Variants in TOP2A observed in about 807,000 individuals in gnomAD.
The protein encoded by TOP2A is DNA topoisomerase 2-alpha.
Under a neutral mutation model 187.2 loss-of-function variants are expected in TOP2A, and 68 were observed. The observed-to-expected ratio is 0.36, with a 90% CI of 0.30 to 0.44. The LOEUF (loss-of-function observed/expected upper bound fraction) is 0.44. TOP2A is among the 20% of genes least tolerant of loss of function. The probability of loss-of-function intolerance (pLI) is 1.00; values close to 1 mark genes in which losing one functional copy is unlikely to be tolerated. For missense variants in TOP2A, 1,196 were observed against 1,808.7 expected (o/e 0.66, Z 6.14); for synonymous variants, 542 against 593.2 (o/e 0.91, Z 1.25).
At position 40,411,910 on chromosome 17, in the gene TOP2A, G is replaced by T; in HGVS notation, c.790-92C>A. The T allele has an allele frequency of 2.0e-6, 2 of 1,008,184 alleles. No homozygotes were observed. The highest frequency in any genetic ancestry group is 2.6e-5 in the East Asian group (1 of 38,226). The allele number at this position is 1,008,184 out of a possible 1,614,324, so 62.5% of individuals were successfully genotyped here. Reference sequence around the variant, plus strand: ...GAGGACTTTCCAAAACCAATGCAATGATGTTCACTGATAGGCATAAGGGAA... The same window carrying T: ...GAGGACTTTCCAAAACCAATGCAATTATGTTCACTGATAGGCATAAGGGAA... On this transcript the variant is annotated intron_variant, in intron 7 of 34. Transcript: ENST00000423485. This position sits in a 1 kb window ranked among gnomAD's most constrained non-coding sequence, Gnocchi z 4.4.
chr17:40,405,261 T>G (rs183831939), intron 16 of TOP2A, among the ~76,000 whole-genome samples: 163 of 152,202 alleles, frequency 1.1e-3, no homozygotes, highest in African/African-American at 3.7e-3. Flanking sequence ...GTGATTCTCC[T>G]GCCTCAGCCT....
chr17:40,404,075 C>G (rs2035211708), intron 19 of TOP2A, 77 bp downstream of exon 19: 1 of 1,553,374 alleles, frequency 6.4e-7, no homozygotes, highest in African/African-American at 1.4e-5. Context: ...CTTATACTTT[C>G]ACCAAATCTG....
intron 33 of TOP2A, 36 bp downstream of exon 33, chr17:40,391,470 T>A (rs377453565): frequency 1.0e-5 from 16 of 1,581,914 alleles, no homozygotes; most frequent in African/African-American, 1.4e-5. Context: ...AGTTAGGTAA[T>A]TGCAACATTA....
chr17:40,402,763 C>G lies in TOP2A; in HGVS notation c.2432+143G>C. 3.9e-6 allele frequency: 3 copies of G among 759,636 alleles called. No individual in the cohort carries two copies. In the South Asian group the frequency reaches 6.4e-5, roughly 16 times the overall value. 47.1% of individuals were successfully genotyped at this position (759,636 alleles called of 1,614,324 possible). On this transcript the variant is annotated intron_variant, in intron 20 of 34. Transcript: ENST00000423485. ...TGGATAATTGTTATGGGGGGGCTTTCCTGTATAAGCCTCACCCCTGGCCTC... is the reference window on the plus strand; with the variant it reads ...TGGATAATTGTTATGGGGGGGCTTTGCTGTATAAGCCTCACCCCTGGCCTC...
Position 40,400,614 on chromosome 17 carries a change from T to C in TOP2A, c.2714A>G (p.Asn905Ser). 6.2e-7 allele frequency: 1 copy of C among 1,609,658 alleles called. No individual in the cohort carries two copies. The highest frequency in any genetic ancestry group is 1.1e-5 in the South Asian group (1 of 89,564). ...TACTTCACCACTAATCACATATTGA[T>C]TTGGAGCCAGTTCTTCAATAGTACC... ...FKGTIEELAPNQYVISGEVAI... is the reference protein window; with the variant it reads ...FKGTIEELAPSQYVISGEVAI... The change falls in exon 22 of 35, where the codon AAT becomes AGT. Residue 905 changes from asparagine to serine, a missense_variant. Asn to Ser is a conservative substitution (Grantham distance 46). Coordinates refer to ENST00000423485, the MANE Select transcript of TOP2A (RefSeq NM_001067.4).
chr17:40,401,402 T>C (rs2035178833), intron 20 of TOP2A, among the ~76,000 whole-genome samples: 1 of 151,984 alleles, frequency 6.6e-6, no homozygotes, highest in African/African-American at 2.4e-5. Context: ...TAGGAAAACA[T>C]TTGAGCAGAG....
At position 40,401,016 on chromosome 17, in the gene TOP2A, T is replaced by C; in HGVS notation, c.2498A>G (p.Asn833Ser). ...DHTLKFLYDD[N>S]QRVEPEWYIP... ...GTACCATTCAGGCTCAACACGCTGG[T>C]TGTCATCATATAAAAACTTCAACGT... The change falls in exon 21 of 35, where the codon AAC becomes AGC. Residue 833 changes from asparagine (N) to serine (S), a missense_variant. Physicochemically the swap from Asn to Ser is conservative, Grantham distance 46. This residue lies in a region of TOP2A where 209 missense variants were observed against 376.9 expected (regional missense o/e 0.55). Coordinates refer to ENST00000423485, the MANE Select transcript of TOP2A (RefSeq NM_001067.4). 2 of 1,614,024 alleles carry C rather than the reference T, an allele frequency of 1.2e-6. No individual in the cohort carries two copies. Among genetic ancestry groups the C allele is most frequent in the Non-Finnish European group, 1.7e-6 (2 of 1,179,896 alleles).
Position 40,416,044 on chromosome 17 carries a change from C to A in TOP2A, c.293G>T (p.Arg98Met). 1 of 1,589,158 alleles carries A rather than the reference C, an allele frequency of 6.3e-7. No homozygotes were observed. Among genetic ancestry groups the A allele is most frequent in the Non-Finnish European group, 8.6e-7 (1 of 1,165,650 alleles). ...ILVNAADNKQ[R>M]DPKMSCIRVT... ...TCTAATACAAGACATTTTTGGGTCC[C>A]TTTGTTTGTTGTCCGCAGCATTAAC... Residue 98 changes from arginine to methionine, a missense_variant, in exon 4 of 35, where the codon AGG (arginine) becomes ATG (methionine). Physicochemically the swap from Arg to Met is moderately conservative, Grantham distance 91 (BLOSUM62 -1). This residue lies in a region of TOP2A where 97 missense variants were observed against 171.0 expected (regional missense o/e 0.57). Coordinates refer to ENST00000423485, the MANE Select transcript of TOP2A (RefSeq NM_001067.4).
intron 13 of TOP2A, 131 bp from the exon 14 acceptor site, chr17:40,407,073 G>A (rs572597966): frequency 9.8e-6 from 6 of 612,226 alleles, no homozygotes; most frequent in Admixed American, 8.7e-5. Flanking sequence ...AGACCAGCCT[G>A]GCCAACATGG....
At chr17:40,391,311 A>C in intron 33 of TOP2A, 195 bp downstream of exon 33, 3 of 547,822 alleles carry the variant, frequency 5.5e-6, no homozygotes, top group Non-Finnish European at 9.4e-6. Context: ...AACAATCAAT[A>C]GAGATAACTT....
Position 40,391,884 on chromosome 17 carries a change from T to C in TOP2A, c.4132+184A>G, listed in dbSNP as rs1598607262. ...GCAAGCACTATGATTACTTTTAGTA[T>C]ACTGAATGCAGTACCTATTTACATG... is the stretch of plus-strand genomic sequence containing the variant. On this transcript the variant is annotated intron_variant, in intron 32 of 34. Coordinates refer to ENST00000423485, the MANE Select transcript of TOP2A (RefSeq NM_001067.4). The C allele has an allele frequency of 1.7e-5, 13 of 761,648 alleles. No homozygotes were observed. The East Asian group carries it at 3.5e-4, about 21-fold the overall frequency. The allele number at this position is 761,648 out of a possible 1,614,324, so 47.2% of individuals were successfully genotyped here.
At chr17:40,404,297 C>G in intron 18 of TOP2A, 24 bp from the exon 19 acceptor site, 4 of 1,610,372 alleles carry the variant, frequency 2.5e-6, no homozygotes, top group Non-Finnish European at 2.5e-6. Context: ...TAAGAGCAAA[C>G]GTAAGTATCC....
At chr17:40,397,829 A>G (rs1417577621) in intron 27 of TOP2A, among the ~76,000 whole-genome samples, 18 of 141,760 alleles carry the variant, frequency 1.3e-4, no homozygotes, top group African/African-American at 4.6e-4. Context: ...CCCAGGCTGG[A>G]GTGCAATGGT....
chr17:40,399,624 A>G (rs1195504657), intron 24 of TOP2A, among the ~76,000 whole-genome samples: 1 of 151,818 alleles, frequency 6.6e-6, no homozygotes, highest in Non-Finnish European at 1.5e-5. Context: ...AAGGTCTTCT[A>G]GCTCTCTATT....
rs1403066741 is a variant in TOP2A at position 40,400,588 on chromosome 17, C to T, written c.2740G>A (p.Ala914Thr). 12 of 1,611,644 alleles carry T rather than the reference C, an allele frequency of 7.4e-6. No individual in the cohort carries two copies. The highest frequency in any genetic ancestry group is 2.2e-5 in the East Asian group (1 of 44,858). ...TCAATGGTTGTAGAATTAAGAATAG[C>T]TACTTCACCACTAATCACATATTGA... ...PNQYVISGEVAILNSTTIEIS... is the reference protein window; with the variant it reads ...PNQYVISGEVTILNSTTIEIS... The change falls in exon 22 of 35, where the codon GCT (alanine) becomes ACT (threonine). Residue 914 changes from alanine (A) to threonine (T), a missense_variant. Coordinates refer to ENST00000423485, the MANE Select transcript of TOP2A (RefSeq NM_001067.4).
chr17:40,407,887 CTAA>C (rs1249635716), intron 12 of TOP2A, 77 bp downstream of exon 12: 40 of 1,408,900 alleles, frequency 2.8e-5, no homozygotes, highest in Middle Eastern at 1.9e-4. Flanking sequence ...TTTAAAATGC[CTAA>C]TGAGGGAATT....
chr17:40,406,789 AGG>A (rs1219070290), intron 14 of TOP2A, 41 bp downstream of exon 14: 1 of 1,578,644 alleles, frequency 6.3e-7, no homozygotes, highest in South Asian at 1.1e-5. Context: ...TTTGAGGAGT[AGG>A]GTCTTAAAAT....
chr17:40,395,281 CAA>C (rs755789593), intron 29 of TOP2A, among the ~76,000 whole-genome samples, 166 bp downstream of exon 29: 4 of 54,850 alleles, frequency 7.3e-5, no homozygotes, highest in Admixed American at 1.9e-4. Context: ...GAAACTGTCT[CAA>C]AAAAAAAAAA....
intron 19 of TOP2A, 67 bp from the exon 20 acceptor site, chr17:40,403,121 C>T (rs2035201584): frequency 1.4e-6 from 2 of 1,396,040 alleles, no homozygotes; most frequent in South Asian, 1.4e-5. Context: ...GACTTAACCT[C>T]ACTATAATCC....
Sources: allele counts gnomAD v4.1 joint callset (sites outside exome capture counted in the v4.1 genomes callset), GRCh38; gene constraint gnomAD v4.1.1; regional missense constraint gnomAD v4.1.1; non-coding constraint Gnocchi (gnomAD v3.1); transcripts MANE v1.5; gene names NCBI Gene and HGNC (gene_info 2026-07-23, HGNC 2026-07-21).